PHGDH: variants seen among roughly 807,000 people sequenced by gnomAD.
PHGDH encodes D-3-phosphoglycerate dehydrogenase.
Under a neutral mutation model 52.6 loss-of-function variants are expected in PHGDH, and 50 were observed. That is an observed-to-expected ratio of 0.95 (90% CI 0.76 to 1.20). The LOEUF (loss-of-function observed/expected upper bound fraction) is 1.20. Ranked by LOEUF, PHGDH falls within the 50% of genes most tolerant of loss-of-function variation. The probability of loss-of-function intolerance (pLI) is 0.00; values close to 1 mark genes in which losing one functional copy is unlikely to be tolerated. For synonymous variants in PHGDH, 271 were observed against 280.5 expected (o/e 0.97, Z 0.34); for missense variants, 630 against 684.6 (o/e 0.92, Z 0.89).
chr1:119,727,810 G>A (rs1438982611), intron 5 of PHGDH: 3 of 152,622 alleles, frequency 2.0e-5, no homozygotes, highest in Non-Finnish European at 4.4e-5. Flanking sequence ...CTCCAGCCTG[G>A]GCGACAGAGC....
At chr1:119,734,589 A>T (rs587703109) in intron 5 of PHGDH, 45 bp from the exon 6 acceptor site, 1 of 1,591,448 alleles carries the variant, frequency 6.3e-7, no homozygotes, top group South Asian at 1.1e-5. Flanking sequence ...AACAATACTA[A>T]TAATTAAGAA....
chr1:119,740,272 C>T (rs1652135980), intron 8 of PHGDH, 114 bp from the exon 9 acceptor site: 8 of 1,061,346 alleles, frequency 7.5e-6, no homozygotes, highest in Non-Finnish European at 1.1e-5. Flanking sequence ...GGCACCAAGG[C>T]AGGAGTGACC....
In PHGDH at chr1:119,726,179, AGTGTGTGT is replaced by A. The variant is rs55671458; in HGVS notation, c.357-633_357-626del. The stretch of plus-strand genomic sequence containing the variant: ...TAATAGGAGGAGACAGGCTGTGAAG[AGTGTGTGT>A]GTGTGTGTGTGTGTGTGTGTGTGTG... On this transcript the variant is annotated intron_variant, in intron 3 of 11. Coordinates refer to ENST00000641023, the MANE Select transcript of PHGDH (RefSeq NM_006623.4). Among the ~76,000 whole-genome samples the A allele has an allele frequency of 8.9e-3, 1,174 of 131,244 alleles. 15 individuals are homozygous for A. Among genetic ancestry groups the A allele is most frequent in the African/African-American group, 0.02 (669 of 33,750 alleles). The allele number at this position is 131,244 out of a possible 152,430, so 86.1% of individuals were successfully genotyped here. A position where few individuals can be genotyped will look rare whatever the true frequency, so the allele number is the denominator to read the frequency against.
intron 6 of PHGDH, 180 bp from the exon 7 acceptor site, chr1:119,735,115 C>A (rs1430105848): frequency 1.3e-6 from 1 of 782,732 alleles, no homozygotes; most frequent in East Asian, 2.4e-5. Context: ...AGATCCATAA[C>A]AGGGACTCCT....
intron 5 of PHGDH, among the ~76,000 whole-genome samples, chr1:119,733,518 A>AGG (rs34338933): frequency 7.9e-4 from 105 of 133,354 alleles, no homozygotes; most frequent in African/African-American, 2.8e-3. Context: ...AATTTTTTGT[A>AGG]GGGGGGGGGG....
At chr1:119,712,233 G>C in intron 1 of PHGDH, 73 bp downstream of exon 1, 1 of 1,423,468 alleles carries the variant, frequency 7.0e-7, no homozygotes, top group Non-Finnish European at 9.8e-7. Context: ...GCCCAGGCCA[G>C]CGCGCCCCCC....
At chr1:119,736,251 C>T (rs1347033345) in intron 7 of PHGDH, among the ~76,000 whole-genome samples, 1 of 152,206 alleles carries the variant, frequency 6.6e-6, no homozygotes, top group Non-Finnish European at 1.5e-5. Context: ...GCTCTTAGAT[C>T]ATAAGCTCCC....
At chr1:119,722,791 T>C (rs1396057788) in intron 2 of PHGDH, among the ~76,000 whole-genome samples, 3 of 150,590 alleles carry the variant, frequency 2.0e-5, no homozygotes, top group Non-Finnish European at 4.4e-5. Flanking sequence ...TCTCAGCTAC[T>C]GAGAAGGTTG....
At position 119,723,358 on chromosome 1, in the gene PHGDH, C is replaced by T; in HGVS notation, c.291-18C>T. The stretch of plus-strand genomic sequence containing the variant: ...TGGGTCTGTGCCCATTGATGTCCCC[C>T]TTTTCTTTGATCTTTAGCACCCCCA... On this transcript the variant is annotated intron_variant, in intron 2 of 11. Transcript: ENST00000641023. 1.9e-6 allele frequency: 3 copies of T among 1,605,400 alleles called. No individual in the cohort carries two copies. The highest frequency in any genetic ancestry group is 2.2e-5 in the East Asian group (1 of 44,818).
intron 1 of PHGDH, chr1:119,720,624 C>A (rs945395000): frequency 1.6e-5 from 3 of 187,326 alleles, no homozygotes; most frequent in Non-Finnish European, 3.4e-5. Context: ...TGATTCATAG[C>A]TTGGAAGGCA....
intron 3 of PHGDH, among the ~76,000 whole-genome samples, chr1:119,726,282 T>A (rs1158002790): frequency 6.6e-6 from 1 of 150,472 alleles, no homozygotes; most frequent in African/African-American, 2.4e-5. Flanking sequence ...GGACCACGCA[T>A]TCAGGACAGA....
chr1:119,720,918 C>A, intron 1 of PHGDH: 4 of 498,544 alleles, frequency 8.0e-6, no homozygotes, highest in South Asian at 7.9e-5. Flanking sequence ...GCTGCCCTTT[C>A]TTGAGCATGC....
intron 1 of PHGDH, among the ~76,000 whole-genome samples, chr1:119,718,526 T>G (rs1171051304): frequency 2.0e-5 from 3 of 152,240 alleles, no homozygotes; most frequent in East Asian, 3.8e-4. Flanking sequence ...GTCTACCAAC[T>G]CTTCTTCAGT....
chr1:119,725,061 G>C (rs587711499), intron 3 of PHGDH: 2 of 452,274 alleles, frequency 4.4e-6, no homozygotes, highest in Non-Finnish European at 8.9e-6. Context: ...AGCAGATGGC[G>C]GGGGCTCCTG....
chr1:119,735,955 G>A (rs1281262187), intron 7 of PHGDH, among the ~76,000 whole-genome samples: 1 of 152,194 alleles, frequency 6.6e-6, no homozygotes, highest in Non-Finnish European at 1.5e-5. Flanking sequence ...TTTCCCAGCT[G>A]GAGCAGAGGC....
intron 3 of PHGDH, chr1:119,726,561 A>T: frequency 1.9e-6 from 1 of 527,472 alleles, no homozygotes; most frequent in Admixed American, 3.2e-5. Flanking sequence ...CGCTTAAAGT[A>T]AAAAACTCAC....
chr1:119,742,854 G>A lies in PHGDH; in HGVS notation c.1257G>A (p.Gly419=), dbSNP rs374303746. The change falls in exon 11 of 12, where the codon GGG becomes GGA. Residue 419 remains glycine, a synonymous_variant. Coordinates refer to ENST00000641023, the MANE Select transcript of PHGDH (RefSeq NM_006623.4). ...SPAAPGEQGF[G]ECLLAVALAG... Reference sequence around the variant, plus strand: ...CTGCACCAGGGGAGCAAGGCTTCGGGGAATGCCTCCTGGCCGTGGCCCTGG... The same window carrying A: ...CTGCACCAGGGGAGCAAGGCTTCGGAGAATGCCTCCTGGCCGTGGCCCTGG... The A allele has an allele frequency of 1.3e-4, 202 of 1,613,880 alleles. No individual in the cohort carries two copies. Among genetic ancestry groups the A allele is most frequent in the South Asian group, 3.2e-4 (29 of 91,064 alleles).
At position 119,737,280 on chromosome 1, in the gene PHGDH, C is replaced by G; in HGVS notation, c.945+14C>G. 1 of 1,608,632 alleles carries G rather than the reference C, an allele frequency of 6.2e-7. No individual in the cohort carries two copies. The highest frequency in any genetic ancestry group is 1.7e-4 in the Middle Eastern group (1 of 6,050). ...CTCACGGGGGTTGTAAGTATCACCA[C>G]CTGGGGCTGGGGGCCAGGAGTCAGA... On this transcript the variant is annotated intron_variant, in intron 8 of 11. Coordinates refer to ENST00000641023, the MANE Select transcript of PHGDH (RefSeq NM_006623.4).
Position 119,740,393 on chromosome 1 carries a change from CCCAGGCCCTTA to C in PHGDH, c.958_968del (p.Ala320CysfsTer71), listed in dbSNP as rs1398758559. 4 of 1,614,120 alleles carry C rather than the reference CCCAGGCCCTTA, an allele frequency of 2.5e-6. No individual in the cohort carries two copies. The highest frequency in any genetic ancestry group is 3.4e-6 in the Non-Finnish European group (4 of 1,179,970). On this transcript the variant is annotated frameshift_variant, in exon 9 of 12. Transcript: ENST00000641023. LOFTEE classifies it high-confidence loss of function. ...CTCCTCCATCCTCTGCAGGTGAATG[CCCAGGCCCTTA>C]CCAGTGCCTTCTCTCCACACACCAA...
Sources: allele counts gnomAD v4.1 joint callset (sites outside exome capture counted in the v4.1 genomes callset), GRCh38; gene constraint gnomAD v4.1.1; transcripts MANE v1.5; gene names NCBI Gene and HGNC (gene_info 2026-07-23, HGNC 2026-07-21).